Variants in RHPN2 observed in about 807,000 individuals in gnomAD.
RHPN2 encodes rhophilin-2.
Under a neutral mutation model 79.0 loss-of-function variants are expected in RHPN2, and 40 were observed. The ratio of observed to expected loss-of-function variants is 0.51; its 90% CI spans 0.39 to 0.66. RHPN2 has a LOEUF of 0.66. RHPN2 is among the 30% of genes least tolerant of loss of function. The pLI is 0.00. For synonymous variants in RHPN2, 285 were observed against 363.5 expected (o/e 0.78, Z 2.46); for missense variants, 686 against 883.5 (o/e 0.78, Z 2.83).
At position 33,026,626 on chromosome 19, in the gene RHPN2, G is replaced by A; in HGVS notation, c.192C>T (p.Ala64=). 6.2e-7 allele frequency: 1 copy of A among 1,606,696 alleles called. No homozygotes were observed. The highest frequency in any genetic ancestry group is 8.5e-7 in the Non-Finnish European group (1 of 1,179,048). ...CTTGCTCCCGCACCTTTGAGTTTGT[G>A]GCCACTCTGTTCAAAGAGAAGAGGG... is the stretch of plus-strand genomic sequence containing the variant. The part of the protein sequence containing the change: ...RTGAENLLKV[A]TNSKVREQVR... The change falls in exon 3 of 15, where the codon GCC becomes GCT. Residue 64 remains alanine, a synonymous_variant. Coordinates refer to ENST00000254260, the MANE Select transcript of RHPN2 (RefSeq NM_033103.5).
intron 1 of RHPN2, among the ~76,000 whole-genome samples, chr19:33,053,359 T>C (rs1449288385): frequency 6.6e-6 from 1 of 151,948 alleles, no homozygotes; most frequent in East Asian, 1.9e-4. Context: ...TCAACTGTAT[T>C]TCCAGACCAA....
Position 32,979,474 on chromosome 19 carries a change from T to G in RHPN2, c.*522A>C, listed in dbSNP as rs1971556252. ...TAGCATTCATAGTCTATCGATATAATAGTAACATCTTGTTTTAGGTTAATG... is the reference window on the plus strand; with the variant it reads ...TAGCATTCATAGTCTATCGATATAAGAGTAACATCTTGTTTTAGGTTAATG... On this transcript the variant is annotated 3_prime_UTR_variant, in exon 15 of 15. Transcript: ENST00000254260. 1 of 154,550 alleles carries G rather than the reference T, an allele frequency of 6.5e-6. No individual in the cohort carries two copies. The highest frequency in any genetic ancestry group is 2.4e-5 in the African/African-American group (1 of 41,460). The allele number at this position is 154,550 out of a possible 1,614,324, so 9.6% of individuals were successfully genotyped here.
chr19:32,986,800 A>G (rs1278688894), intron 14 of RHPN2, among the ~76,000 whole-genome samples: 6 of 147,564 alleles, frequency 4.1e-5, no homozygotes, highest in Non-Finnish European at 6.0e-5. Context: ...TCTCAAAAAA[A>G]AAAAAAAAAA....
intron 13 of RHPN2, 28 bp downstream of exon 13, chr19:32,991,795 C>T: frequency 2.5e-6 from 4 of 1,613,866 alleles, no homozygotes; most frequent in Non-Finnish European, 3.4e-6. Context: ...TCTGTGTTTG[C>T]TGCCAATCAA....
At chr19:33,037,473 T>A (rs978371583) in intron 2 of RHPN2, among the ~76,000 whole-genome samples, 1 of 152,176 alleles carries the variant, frequency 6.6e-6, no homozygotes, top group African/African-American at 2.4e-5. Context: ...GAAGCTTTGT[T>A]CTTTCACTCT....
At chr19:33,052,749 C>G (rs1237108893) in intron 1 of RHPN2, among the ~76,000 whole-genome samples, 1 of 152,204 alleles carries the variant, frequency 6.6e-6, no homozygotes, top group Non-Finnish European at 1.5e-5. Flanking sequence ...TACTTGTCAA[C>G]AGCCCTCCTG....
intron 2 of RHPN2, 40 bp downstream of exon 2, chr19:33,044,209 C>G (rs1349331502): frequency 2.1e-6 from 3 of 1,456,396 alleles, no homozygotes; most frequent in African/African-American, 1.4e-5. Flanking sequence ...GAACAGATGA[C>G]TAGGACTCAG....
At chr19:32,998,926 CAG>C (rs1047160698) in intron 10 of RHPN2, among the ~76,000 whole-genome samples, 4 of 107,804 alleles carry the variant, frequency 3.7e-5, no homozygotes, top group African/African-American at 1.1e-4. Flanking sequence ...CGGAGGGTAA[CAG>C]GGGAGGGAAG....
Position 33,011,688 on chromosome 19 carries a change from A to G in RHPN2, c.584T>C (p.Leu195Pro), listed in dbSNP as rs1366358620. Residue 195 changes from leucine (L) to proline (P), a missense_variant, in exon 6 of 15, where the codon CTG (leucine) becomes CCG (proline). Leu to Pro is a moderately conservative substitution (Grantham distance 98). Transcript: ENST00000254260. Reference protein sequence around the residue: ...FFPPTRQMGLLFTWYDSLTGV... With the variant: ...FFPPTRQMGLPFTWYDSLTGV... Reference sequence around the variant, plus strand: ...GACCTCAAGCACCTACCAGGTGAACAGGAGTCCCATCTGCCGTGTGGGCGG... The same window carrying G: ...GACCTCAAGCACCTACCAGGTGAACGGGAGTCCCATCTGCCGTGTGGGCGG... 3 of 1,613,858 alleles carry G rather than the reference A, an allele frequency of 1.9e-6. No individual in the cohort carries two copies. The highest frequency in any genetic ancestry group is 2.2e-5 in the East Asian group (1 of 44,880).
At chr19:33,029,915 G>A (rs766439077) in intron 2 of RHPN2, among the ~76,000 whole-genome samples, 8 of 152,198 alleles carry the variant, frequency 5.3e-5, no homozygotes, top group Non-Finnish European at 8.8e-5. Context: ...GACAACACAC[G>A]TAAAATGCCA....
chr19:33,002,544 G>C (rs1399620084), intron 8 of RHPN2, 141 bp from the exon 9 acceptor site: 9 of 1,029,710 alleles, frequency 8.7e-6, no homozygotes, highest in Non-Finnish European at 1.2e-5. Context: ...AACTCCAAGA[G>C]ACCCCTCGTT....
chr19:33,010,043 T>C (rs1184631176), intron 6 of RHPN2, among the ~76,000 whole-genome samples: 1 of 152,090 alleles, frequency 6.6e-6, no homozygotes, highest in Non-Finnish European at 1.5e-5. Context: ...CCTCCCAAAA[T>C]GCTAGGATTA....
intron 9 of RHPN2, among the ~76,000 whole-genome samples, chr19:32,999,933 A>AATC (rs751384929): frequency 6.6e-6 from 1 of 152,104 alleles, no homozygotes; most frequent in Non-Finnish European, 1.5e-5. Flanking sequence ...GCAATGGCAC[A>AATC]ATCATAGTTC....
intron 12 of RHPN2, among the ~76,000 whole-genome samples, chr19:32,993,004 T>C (rs1223878737): frequency 6.6e-6 from 1 of 151,616 alleles, no homozygotes. Flanking sequence ...TGTAGTCCCA[T>C]CTACTAGGGT....
rs1393531881 is a variant in RHPN2, at chr19:33,064,843, C to G, written c.10G>C (p.Ala4Pro). ...GGCTGGGGGGCCGCGGGCAACAGCG[C>G]GTCGGTCATGCTAGCGGCGCGGGCG... is the stretch of plus-strand genomic sequence containing the variant. Reference protein sequence around the residue: MTDALLPAAPQPLE... With the variant: MTDPLLPAAPQPLE... Residue 4 changes from alanine to proline, a missense_variant, in exon 1 of 15, where the codon GCG becomes CCG. By Grantham distance (27) the Ala-to-Pro change is conservative. Coordinates refer to ENST00000254260, the MANE Select transcript of RHPN2 (RefSeq NM_033103.5). 32 of 1,517,552 alleles carry G rather than the reference C, an allele frequency of 2.1e-5. No individual in the cohort carries two copies. The highest frequency in any genetic ancestry group is 2.8e-5 in the Non-Finnish European group (32 of 1,139,558). The allele number at this position is 1,517,552 out of a possible 1,614,324, so 94.0% of individuals were successfully genotyped here.
At chr19:32,982,367 A>G (rs981642364) in intron 14 of RHPN2, among the ~76,000 whole-genome samples, 15 of 152,094 alleles carry the variant, frequency 9.9e-5, no homozygotes, top group African/African-American at 3.6e-4. Context: ...AGATCACGCC[A>G]CTGCACTCCA....
At chr19:33,045,417 T>A (rs1393280462) in intron 1 of RHPN2, among the ~76,000 whole-genome samples, 1 of 152,100 alleles carries the variant, frequency 6.6e-6, no homozygotes, top group African/African-American at 2.4e-5. Context: ...TTTGCCCTTT[T>A]AAAATAAACA....
chr19:33,063,170 T>G (rs186010504), intron 1 of RHPN2, among the ~76,000 whole-genome samples: 4 of 152,230 alleles, frequency 2.6e-5, no homozygotes, highest in Admixed American at 2.0e-4. Context: ...TGCAATTCCA[T>G]GGCCTGTGAT....
intron 1 of RHPN2, among the ~76,000 whole-genome samples, chr19:33,046,464 A>G (rs774050167): frequency 2.0e-5 from 3 of 151,660 alleles, no homozygotes; most frequent in Non-Finnish European, 4.4e-5. Flanking sequence ...GGCGGGTTTC[A>G]TGATGTTGGC....
Sources: allele counts gnomAD v4.1 joint callset (sites outside exome capture counted in the v4.1 genomes callset), GRCh38; gene constraint gnomAD v4.1.1; transcripts MANE v1.5; gene names NCBI Gene and HGNC (gene_info 2026-07-23, HGNC 2026-07-21).